The following CACNA2D3 variants were observed in gnomAD, a reference collection of about 807,000 sequenced individuals.
The protein encoded by CACNA2D3 is voltage-dependent calcium channel subunit alpha-2/delta-3.
CACNA2D3 carries 60 observed loss-of-function variants against 160.6 expected under a neutral mutation model. The observed-to-expected ratio is 0.37, with a 90% CI of 0.30 to 0.46. The LOEUF (loss-of-function observed/expected upper bound fraction) is 0.46, where lower values mean the gene tolerates loss of function less well. CACNA2D3 is among the 20% of genes least tolerant of loss of function. The pLI, the probability that CACNA2D3 is intolerant of heterozygous loss-of-function variation, is 1.00. For missense variants in CACNA2D3, 1,205 were observed against 1,365.0 expected (o/e 0.88, Z 1.85); for synonymous variants, 558 against 492.9 (o/e 1.13, Z -1.75).
At chr3:54,217,046 C>A (rs1442871308) in intron 2 of CACNA2D3, among the ~76,000 whole-genome samples, 1 of 152,134 alleles carries the variant, frequency 6.6e-6, no homozygotes, top group Non-Finnish European at 1.5e-5. Flanking sequence ...GAGGCAGCCT[C>A]CTGACTGAGG....
At chr3:54,866,984 G>A (rs760647423) in intron 17 of CACNA2D3, among the ~76,000 whole-genome samples, 1 of 152,070 alleles carries the variant, frequency 6.6e-6, no homozygotes, top group Non-Finnish European at 1.5e-5. Flanking sequence ...CGTAAAACAG[G>A]CACCAAAAAC....
At chr3:54,216,844 C>A (rs1354558279) in intron 2 of CACNA2D3, among the ~76,000 whole-genome samples, 12 of 152,128 alleles carry the variant, frequency 7.9e-5, no homozygotes, top group Admixed American at 7.9e-4. Context: ...TTTTAGAGCA[C>A]CTGCTTGTGT....
intron 2 of CACNA2D3, among the ~76,000 whole-genome samples, chr3:54,282,532 T>C (rs947529468): frequency 6.6e-6 from 1 of 152,202 alleles, no homozygotes; most frequent in African/African-American, 2.4e-5. Context: ...AATGGAAACT[T>C]AGAAGTCTTC....
chr3:54,885,216 T>C, intron 21 of CACNA2D3, 65 bp from the exon 22 acceptor site: 1 of 1,568,496 alleles, frequency 6.4e-7, no homozygotes, highest in Non-Finnish European at 8.8e-7. Context: ...CCTAGAATAT[T>C]TGAAGCACAC....
At chr3:54,766,508 A>T (rs553498865) in intron 13 of CACNA2D3, among the ~76,000 whole-genome samples, 3 of 152,184 alleles carry the variant, frequency 2.0e-5, no homozygotes, top group Admixed American at 6.5e-5. Context: ...ACTCTTATTC[A>T]TTGATTGTGG....
chr3:54,216,880 A>G (rs1188608789), intron 2 of CACNA2D3, among the ~76,000 whole-genome samples: 3 of 152,198 alleles, frequency 2.0e-5, no homozygotes, highest in South Asian at 2.1e-4. Context: ...TGTGGGGCCA[A>G]GTTCAGCCAG....
intron 27 of CACNA2D3, among the ~76,000 whole-genome samples, chr3:54,948,176 T>G (rs920818047): frequency 1.6e-4 from 25 of 152,152 alleles, no homozygotes; most frequent in African/African-American, 5.8e-4. Flanking sequence ...CAGCTCACTT[T>G]CCCCTGGTTG....
intron 2 of CACNA2D3, among the ~76,000 whole-genome samples, chr3:54,288,916 A>G (rs1208172571): frequency 6.6e-6 from 1 of 152,210 alleles, no homozygotes; most frequent in African/African-American, 2.4e-5. Context: ...GATGGGACGT[A>G]TCTCAAAATA....
intron 11 of CACNA2D3, among the ~76,000 whole-genome samples, chr3:54,702,466 A>G (rs947473319): frequency 5.3e-5 from 8 of 152,206 alleles, no homozygotes; most frequent in Non-Finnish European, 8.8e-5. Flanking sequence ...AAAAAAAGAC[A>G]TGTGCATGGC....
chr3:54,289,201 C>T (rs1190440949), intron 2 of CACNA2D3, among the ~76,000 whole-genome samples: 1 of 152,186 alleles, frequency 6.6e-6, no homozygotes. Flanking sequence ...TAAGCAACTT[C>T]AGCAAAGTCT....
At chr3:54,195,259 T>A (rs969226801) in intron 2 of CACNA2D3, among the ~76,000 whole-genome samples, 2 of 152,188 alleles carry the variant, frequency 1.3e-5, no homozygotes, top group African/African-American at 4.8e-5. Context: ...CTCCTAAGAA[T>A]CAAGTCCAAG....
chr3:54,689,018 G>C (rs1455729819), intron 11 of CACNA2D3, among the ~76,000 whole-genome samples: 1 of 102,142 alleles, frequency 9.8e-6, no homozygotes, highest in Non-Finnish European at 2.0e-5. Flanking sequence ...AAAAGAATGA[G>C]GTTGTATACA....
At chr3:55,031,125 T>C (rs1703680029) in intron 35 of CACNA2D3, among the ~76,000 whole-genome samples, 1 of 152,204 alleles carries the variant, frequency 6.6e-6, no homozygotes, top group South Asian at 2.1e-4. Flanking sequence ...AATGTTTATT[T>C]GCATGTGGAA....
At chr3:54,685,292 T>A (rs1290176854) in intron 11 of CACNA2D3, among the ~76,000 whole-genome samples, 1 of 152,210 alleles carries the variant, frequency 6.6e-6, no homozygotes, top group South Asian at 2.1e-4. Context: ...TGCCAGATAG[T>A]GTTTTAGGCT....
chr3:54,428,406 T>G (rs1490975008), intron 4 of CACNA2D3, among the ~76,000 whole-genome samples: 3 of 152,178 alleles, frequency 2.0e-5, no homozygotes, highest in Admixed American at 2.0e-4. Flanking sequence ...GATGAGGCAC[T>G]GGGGGCCGAG....
At chr3:54,139,347 C>CCAGCAGGCT (rs1302277415) in intron 2 of CACNA2D3, among the ~76,000 whole-genome samples, 1 of 152,246 alleles carries the variant, frequency 6.6e-6, no homozygotes, top group Non-Finnish European at 1.5e-5. Context: ...GGGGTGCTGT[C>CCAGCAGGCT]CAGCAGGCTC....
At chr3:54,798,429 A>G (rs142747949) in intron 13 of CACNA2D3, among the ~76,000 whole-genome samples, 1,926 of 152,210 alleles carry the variant, frequency 0.013, 40 homozygotes, top group African/African-American at 0.045. Context: ...CCAGCTACTC[A>G]GGAGGCTGAG....
chr3:54,945,584 C>A (rs1701591594), intron 27 of CACNA2D3, among the ~76,000 whole-genome samples: 1 of 152,134 alleles, frequency 6.6e-6, no homozygotes, highest in Non-Finnish European at 1.5e-5. Flanking sequence ...TAACCTGGGG[C>A]AAGTTATGTA....
intron 2 of CACNA2D3, among the ~76,000 whole-genome samples, chr3:54,193,269 G>A (rs574275279): frequency 2.8e-4 from 43 of 152,258 alleles, no homozygotes; most frequent in Non-Finnish European, 4.0e-4. Flanking sequence ...GATGATTGAG[G>A]CTGCTCCAGG....
Sources: allele counts gnomAD v4.1 joint callset (sites outside exome capture counted in the v4.1 genomes callset), GRCh38; gene constraint gnomAD v4.1.1; transcripts MANE v1.5; gene names NCBI Gene and HGNC (gene_info 2026-07-23, HGNC 2026-07-21).